The following AMPD3 variants were observed in gnomAD, a reference collection of about 807,000 sequenced individuals.
AMPD3 encodes the protein adenosine monophosphate deaminase 3.
A neutral mutation model predicts 82.3 loss-of-function variants in AMPD3; 57 were observed. That is an observed-to-expected ratio of 0.69 (90% CI 0.56 to 0.86). The LOEUF (loss-of-function observed/expected upper bound fraction) is 0.86. Ranked by LOEUF, AMPD3 falls within the 40% of genes least tolerant of loss-of-function variation. The pLI is 0.00. For missense variants in AMPD3, 870 were observed against 1,003.8 expected (o/e 0.87, Z 1.80); for synonymous variants, 381 against 394.7 (o/e 0.97, Z 0.41).
intron 2 of AMPD3, among the ~76,000 whole-genome samples, chr11:10,477,350 C>T (rs1252455626): frequency 6.6e-6 from 1 of 152,166 alleles, no homozygotes; most frequent in Non-Finnish European, 1.5e-5. Context: ...CAGTTGGTTT[C>T]TGGCATTTGA....
chr11:10,487,916 C>T (rs568640228), intron 6 of AMPD3, among the ~76,000 whole-genome samples: 50 of 152,086 alleles, frequency 3.3e-4, no homozygotes, highest in Non-Finnish European at 4.6e-4. Context: ...CCATGGCACA[C>T]GTTTACCTAT....
chr11:10,481,618 G>C (rs1848908388), intron 3 of AMPD3: 3 of 590,620 alleles, frequency 5.1e-6, no homozygotes. Context: ...ACAGTGAAAG[G>C]ATACAGAGCA....
intron 3 of AMPD3, chr11:10,479,778 C>T (rs1848848652): frequency 2.4e-6 from 1 of 411,300 alleles, no homozygotes; most frequent in African/African-American, 2.2e-5. Flanking sequence ...AAAGATAATG[C>T]CATATCAATA....
In AMPD3 at chr11:10,482,109, C is replaced by G. The variant is rs757637339; in HGVS notation, c.473C>G (p.Ala158Gly). Residue 158 changes from alanine to glycine, a missense_variant, in exon 4 of 15, where the codon GCC becomes GGC. Ala to Gly is a moderately conservative substitution (Grantham distance 60, BLOSUM62 0). Coordinates refer to ENST00000396553, the MANE Select transcript of AMPD3 (RefSeq NM_001025389.2). ...YEQAAKSLAKALMIREKYARL... is the reference protein window; with the variant it reads ...YEQAAKSLAKGLMIREKYARL... ...CAGGCAGCCAAGAGTCTGGCCAAGGCCCTAATGATCCGGGAGAAGTATGCG... is the reference window on the plus strand; with the variant it reads ...CAGGCAGCCAAGAGTCTGGCCAAGGGCCTAATGATCCGGGAGAAGTATGCG... The G allele has an allele frequency of 2.5e-6, 4 of 1,614,208 alleles. No individual in the cohort carries two copies. Among genetic ancestry groups the G allele is most frequent in the Middle Eastern group, 1.7e-4 (1 of 6,048 alleles).
Position 10,500,663 on chromosome 11 carries a change from C to T in AMPD3, c.1721+414C>T, listed in dbSNP as rs139381187. 8.5e-5 allele frequency: 84 copies of T among 985,476 alleles called. No homozygotes were observed. In the African/African-American group the frequency reaches 1.0e-3, roughly 12 times the overall value. The allele number at this position is 985,476 out of a possible 1,614,324, so 61.0% of individuals were successfully genotyped here. A position where few individuals can be genotyped will look rare whatever the true frequency, so the allele number is the denominator to read the frequency against. Reference sequence around the variant, plus strand: ...TACTGCCACACCAACAATGTCCACACGTGCATATTTTCGTTCAGCAAATCA... The same window carrying T: ...TACTGCCACACCAACAATGTCCACATGTGCATATTTTCGTTCAGCAAATCA... On this transcript the variant is annotated intron_variant, in intron 11 of 14. Transcript: ENST00000396553.
At position 10,484,251 on chromosome 11, in the gene AMPD3, G is replaced by A. The variant is rs7107965; in HGVS notation, c.590-569G>A. On this transcript the variant is annotated intron_variant, in intron 4 of 14. Transcript: ENST00000396553. ...TTCTAACCTTAACCTATAGTGGTTGGGGGCAGATGGCTTTATCATTGGCAT... is the reference window on the plus strand; with the variant it reads ...TTCTAACCTTAACCTATAGTGGTTGAGGGCAGATGGCTTTATCATTGGCAT... 9.0e-5 allele frequency: 89 copies of A among 985,320 alleles called. No homozygotes were observed. The African/African-American group carries it at 1.4e-3, about 16-fold the overall frequency. The allele number at this position is 985,320 out of a possible 1,614,324, so 61.0% of individuals were successfully genotyped here. A position where few individuals can be genotyped will look rare whatever the true frequency, so the allele number is the denominator to read the frequency against.
At position 10,487,002 on chromosome 11, in the gene AMPD3, G is replaced by A. The variant is rs1849090699; in HGVS notation, c.810-233G>A. The A allele has an allele frequency of 1.2e-5, 12 of 985,230 alleles. 1 individual carries two copies. Among genetic ancestry groups the A allele is most frequent in the African/African-American group, 1.7e-5 (1 of 57,216 alleles). The allele number at this position is 985,230 out of a possible 1,614,324, so 61.0% of individuals were successfully genotyped here. On this transcript the variant is annotated intron_variant, in intron 5 of 14. Coordinates refer to ENST00000396553, the MANE Select transcript of AMPD3 (RefSeq NM_001025389.2). ...CAAGAAGTCAAAACACCTGTATGAG[G>A]TCCCAGAGCTGGCCTGCTACTGCCC...
upstream of AMPD3, chr11:10,451,028 C>T (rs747799245): frequency 1.7e-5 from 27 of 1,583,498 alleles, no homozygotes; most frequent in Admixed American, 4.4e-4. Context: ...CGGCATGGCC[C>T]TGTCGTCCGA....
intron 5 of AMPD3, 23 bp from the exon 6 acceptor site, chr11:10,487,212 C>T (rs752580145): frequency 6.2e-7 from 1 of 1,613,826 alleles, no homozygotes; most frequent in South Asian, 1.1e-5. Flanking sequence ...CAACTATGGT[C>T]TCTCCCCATC....
Position 10,505,795 on chromosome 11 carries a change from AT to A in AMPD3, c.2216del (p.Met739ArgfsTer19). The A allele has an allele frequency of 1.2e-6, 2 of 1,614,204 alleles. No homozygotes were observed. The highest frequency in any genetic ancestry group is 1.7e-6 in the Non-Finnish European group (2 of 1,180,050). On this transcript the variant is annotated frameshift_variant, in exon 15 of 15. Transcript: ENST00000396553. LOFTEE classifies it high-confidence loss of function. ...AAAGACAAATGTGGCTCAGATCCGG[AT>A]GGCATTCCGATATGAGACCTTATGC... ...IRKTNVAQIR[M>X]AFRYETLCNE...
chr11:10,485,221 G>A (rs1020834548), intron 5 of AMPD3, among the ~76,000 whole-genome samples, 182 bp downstream of exon 5: 13 of 152,098 alleles, frequency 8.5e-5, no homozygotes, highest in African/African-American at 2.9e-4. Context: ...TCATAAGCTG[G>A]CATAGCCTTT....
chr11:10,469,777 C>T (rs559812101), intron 2 of AMPD3, among the ~76,000 whole-genome samples: 7 of 152,288 alleles, frequency 4.6e-5, no homozygotes, highest in South Asian at 2.1e-4. Flanking sequence ...CGGTGGCTCA[C>T]GCCTGTAATC....
chr11:10,484,679 C>A, intron 4 of AMPD3, 141 bp from the exon 5 acceptor site: 1 of 1,210,144 alleles, frequency 8.3e-7, no homozygotes, highest in Non-Finnish European at 1.2e-6. Context: ...CAAAAGGAAG[C>A]AGGGAAGAGC....
chr11:10,479,875 C>A, intron 3 of AMPD3: 1 of 984,288 alleles, frequency 1.0e-6, no homozygotes, highest in Non-Finnish European at 1.2e-6. Flanking sequence ...ATTAAGTTCC[C>A]ATGGATGGGA....
chr11:10,496,598 A>C (rs1849408024), intron 9 of AMPD3: 1 of 972,370 alleles, frequency 1.0e-6, no homozygotes, highest in South Asian at 4.8e-5. Context: ...TCTGATGGGC[A>C]TGGGTAGGTG....
chr11:10,476,947 G>T, intron 2 of AMPD3: 1 of 985,434 alleles, frequency 1.0e-6, no homozygotes, highest in Middle Eastern at 5.2e-4. Flanking sequence ...GCAAGGGGAA[G>T]GTAAATTCCT....
rs749689967 is a variant in AMPD3 at position 10,500,159 on chromosome 11, C to T, written c.1631C>T (p.Pro544Leu). ...ATGTTTTCCGACAAGAGCCCAAACC[C>T]GGACGTCTGGACCAGTGAGCAGAAC... ...DHMFSDKSPN[P>L]DVWTSEQNPP... Residue 544 changes from proline to leucine, a missense_variant, in exon 11 of 15, where the codon CCG becomes CTG. By Grantham distance (98) the Pro-to-Leu change is moderately conservative. Transcript: ENST00000396553. 10 of 1,614,076 alleles carry T rather than the reference C, an allele frequency of 6.2e-6. No individual in the cohort carries two copies. The highest frequency in any genetic ancestry group is 2.2e-5 in the South Asian group (2 of 91,086).
At chr11:10,495,304 C>T in intron 8 of AMPD3, 1 of 985,468 alleles carries the variant, frequency 1.0e-6, no homozygotes, top group Non-Finnish European at 1.2e-6. Flanking sequence ...GCAGCCTGAA[C>T]CTAGCTGGGT....
intron 13 of AMPD3, among the ~76,000 whole-genome samples, chr11:10,503,195 T>C (rs1849625947): frequency 6.6e-6 from 1 of 152,256 alleles, no homozygotes; most frequent in South Asian, 2.1e-4. Flanking sequence ...GATCAAGTTC[T>C]TCTTCATCTG....
Sources: gnomAD v4.1 joint callset for allele counts (sites outside exome capture counted in the v4.1 genomes callset) on GRCh38, gnomAD v4.1.1 for gene constraint, MANE v1.5 for transcripts, NCBI Gene and HGNC (gene_info 2026-07-23, HGNC 2026-07-21) for gene names.